Variants in PCDHA13 observed in about 807,000 individuals in gnomAD.
The protein encoded by PCDHA13 is protocadherin alpha 13.
A neutral mutation model predicts 64.8 loss-of-function variants in PCDHA13; 54 were observed. That is an observed-to-expected ratio of 0.83 (90% confidence interval 0.67 to 1.04). The LOEUF (loss-of-function observed/expected upper bound fraction) is 1.04. Among genes scored for constraint, PCDHA13 ranks in the 50% least tolerant of loss-of-function variants. The pLI, the probability that PCDHA13 is intolerant of heterozygous loss-of-function variation, is 0.00. For missense variants in PCDHA13, 1,248 were observed against 1,254.3 expected (o/e 0.99, Z 0.08); for synonymous variants, 587 against 564.4 (o/e 1.04, Z -0.57).
At chr5:140,967,627 C>G (rs1218869340) in intron 1 of PCDHA13, 16 of 1,614,040 alleles carry the variant, frequency 9.9e-6, no homozygotes, top group Non-Finnish European at 1.3e-5. Context: ...CGGATGAGGG[C>G]TCCAATGGTG....
intron 3 of PCDHA13, among the ~76,000 whole-genome samples, chr5:141,000,421 A>ATTTTTTTTTTT (rs34755515): frequency 3.6e-5 from 1 of 27,968 alleles, no homozygotes; most frequent in Non-Finnish European, 5.7e-5. Context: ...ATATATATAT[A>ATTTTTTTTTTT]TTTTTTTTTT....
In PCDHA13 at chr5:140,982,572, C is replaced by T; in HGVS notation, c.2542+9C>T. On this transcript the variant is annotated intron_variant, in intron 3 of 3. Coordinates refer to ENST00000289272, the MANE Select transcript of PCDHA13 (RefSeq NM_018904.3). ...ATCCAGTGCAACACCAGGTAAAGAG[C>T]TGGGGTCTCTCCATTCTTTCTTGGT... is the stretch of plus-strand genomic sequence containing the variant. 4 of 1,613,760 alleles carry T rather than the reference C, an allele frequency of 2.5e-6. No homozygotes were observed. Among genetic ancestry groups the T allele is most frequent in the Non-Finnish European group, 3.4e-6 (4 of 1,179,726 alleles).
chr5:140,950,723 A>AT (rs1196047674), intron 1 of PCDHA13, among the ~76,000 whole-genome samples: 72 of 152,102 alleles, frequency 4.7e-4, no homozygotes, highest in African/African-American at 1.6e-3. Flanking sequence ...ATATCCTTAA[A>AT]TTTTTTAATC....
At chr5:140,966,253 G>A in intron 1 of PCDHA13, 1 of 328,324 alleles carries the variant, frequency 3.0e-6, no homozygotes, top group South Asian at 1.5e-4. Context: ...GGGGAGAGAC[G>A]GTGGAGACTG....
At chr5:140,905,395 G>T (rs1562949609) in intron 1 of PCDHA13, among the ~76,000 whole-genome samples, 1 of 152,166 alleles carries the variant, frequency 6.6e-6, no homozygotes. Context: ...AGGTCTGTGT[G>T]CCTATTTTTA....
intron 1 of PCDHA13, among the ~76,000 whole-genome samples, chr5:140,941,773 T>G (rs2093165270): frequency 6.6e-6 from 1 of 152,262 alleles, no homozygotes; most frequent in South Asian, 2.1e-4. Context: ...GATAATTGTT[T>G]TAATGTTTTA....
intron 1 of PCDHA13, among the ~76,000 whole-genome samples, chr5:140,962,849 T>C (rs1434907172): frequency 6.6e-6 from 1 of 152,214 alleles, no homozygotes; most frequent in African/African-American, 2.4e-5. Context: ...ATATAACTTG[T>C]GCTCGGTTTG....
Position 140,896,173 on chromosome 5 carries a change from TTGCTATTGTGAATAG to T in PCDHA13, c.2394+11515_2394+11529del, listed in dbSNP as rs1554186855. On this transcript the variant is annotated intron_variant, in intron 1 of 3. Transcript: ENST00000289272. ...GGGCATTTAGGATTATTCTCTGTCT[TTGCTATTGTGAATAG>T]TGCCATGATGAACATACACATACAT... 2.6e-4 allele frequency among the ~76,000 whole-genome samples: 40 copies of T among 152,340 alleles called. 1 individual carries two copies. The East Asian group carries it at 5.2e-3, about 20-fold the overall frequency.
At chr5:141,009,169 C>T (rs782079623) in intron 3 of PCDHA13, among the ~76,000 whole-genome samples, 13 of 152,186 alleles carry the variant, frequency 8.5e-5, no homozygotes, top group Non-Finnish European at 1.3e-4. Flanking sequence ...TAAATACTGG[C>T]CTTGGCTGGG....
intron 1 of PCDHA13, among the ~76,000 whole-genome samples, chr5:140,909,888 C>A (rs1391505487): frequency 6.6e-6 from 1 of 152,172 alleles, no homozygotes; most frequent in Admixed American, 6.5e-5. Flanking sequence ...AGACACTGTT[C>A]AGTAGTCCCT....
At chr5:140,968,397 A>G in intron 1 of PCDHA13, 7 of 1,613,892 alleles carry the variant, frequency 4.3e-6, no homozygotes, top group Non-Finnish European at 5.9e-6. Context: ...AAGTTTCGGG[A>G]GTTCTTTGTG....
chr5:140,935,734 C>G (rs1290620794), intron 1 of PCDHA13, among the ~76,000 whole-genome samples: 1 of 152,032 alleles, frequency 6.6e-6, no homozygotes, highest in East Asian at 1.9e-4. Flanking sequence ...AGTCTAGTAT[C>G]TATTATTCCA....
chr5:140,967,836 A>G, intron 1 of PCDHA13: 1 of 1,614,136 alleles, frequency 6.2e-7, no homozygotes, highest in African/African-American at 1.3e-5. Flanking sequence ...GACATCGTGG[A>G]CGTGAATGAC....
At position 140,971,106 on chromosome 5, in the gene PCDHA13, G is replaced by T. The variant is rs529915701; in HGVS notation, c.2395-7843G>T. Among the ~76,000 whole-genome samples, 46 of 152,304 alleles carry T rather than the reference G, an allele frequency of 3.0e-4. No homozygotes were observed. In the South Asian group the frequency reaches 4.1e-3, roughly 14 times the overall value. ...AACAAATTCTTGTGAAGCCCTTTGG[G>T]ATTGGGGTGGGCTACAGGTGGTGAA... is the stretch of plus-strand genomic sequence containing the variant. On this transcript the variant is annotated intron_variant, in intron 1 of 3. Transcript: ENST00000289272.
At chr5:140,966,854 C>G in intron 1 of PCDHA13, 1 of 1,573,744 alleles carries the variant, frequency 6.4e-7, no homozygotes, top group Non-Finnish European at 8.6e-7. Context: ...GCCTCTCCTG[C>G]TGCTGTTGCT....
chr5:140,990,369 C>T (rs2097390541), intron 3 of PCDHA13, among the ~76,000 whole-genome samples: 1 of 152,054 alleles, frequency 6.6e-6, no homozygotes, highest in South Asian at 2.1e-4. Flanking sequence ...TCTAATAAAG[C>T]AAATTTGTTG....
At position 140,945,888 on chromosome 5, in the gene PCDHA13, C is replaced by T. The variant is rs117232601; in HGVS notation, c.2395-33061C>T. Among the ~76,000 whole-genome samples, 21 of 152,006 alleles carry T rather than the reference C, an allele frequency of 1.4e-4. No homozygotes were observed. The East Asian group carries it at 2.9e-3, about 21-fold the overall frequency. On this transcript the variant is annotated intron_variant, in intron 1 of 3. Transcript: ENST00000289272. Reference sequence around the variant, plus strand: ...GAAATTGTAAAACTAACAAAGAAAACACAGTGGGAAAGATGAAAGATCAAT... The same window carrying T: ...GAAATTGTAAAACTAACAAAGAAAATACAGTGGGAAAGATGAAAGATCAAT...
intron 1 of PCDHA13, among the ~76,000 whole-genome samples, chr5:140,899,745 A>G: frequency 6.6e-6 from 1 of 152,214 alleles, no homozygotes; most frequent in Non-Finnish European, 1.5e-5. Flanking sequence ...GAATAGTTTC[A>G]GAAGGAATGG....
chr5:140,985,845 C>T (rs1381097554), intron 3 of PCDHA13, among the ~76,000 whole-genome samples: 1 of 150,700 alleles, frequency 6.6e-6, no homozygotes, highest in African/African-American at 2.4e-5. Flanking sequence ...GTTCATGCCA[C>T]TCTCCTGCCT....
Sources: allele counts gnomAD v4.1 joint callset (sites outside exome capture counted in the v4.1 genomes callset), GRCh38; gene constraint gnomAD v4.1.1; transcripts MANE v1.5; gene names NCBI Gene and HGNC (gene_info 2026-07-23, HGNC 2026-07-21).